ST6GAL1: variants seen among roughly 807,000 people sequenced by gnomAD.
ST6GAL1 encodes beta-galactoside alpha-2,6-sialyltransferase 1.
ST6GAL1 carries 20 observed loss-of-function variants against 38.0 expected under a neutral mutation model. The ratio of observed to expected loss-of-function variants is 0.53; its 90% CI spans 0.37 to 0.77. ST6GAL1 has a LOEUF of 0.77. Ranked by LOEUF, ST6GAL1 falls within the 30% of genes least tolerant of loss-of-function variation. The pLI, the probability that ST6GAL1 is intolerant of heterozygous loss-of-function variation, is 0.00. For missense variants in ST6GAL1, 432 were observed against 496.4 expected, an observed-to-expected ratio of 0.87 and a Z score of 1.23; for synonymous variants, 196 against 188.2, an observed-to-expected ratio of 1.04 and a Z score of -0.34.
At chr3:187,053,748 G>C (rs746214063) in intron 5 of ST6GAL1, among the ~76,000 whole-genome samples, 8 of 150,156 alleles carry the variant, frequency 5.3e-5, no homozygotes, top group Non-Finnish European at 8.8e-5. Flanking sequence ...CTCCAGCTTT[G>C]TTCTTTTGGA....
intron 2 of ST6GAL1, among the ~76,000 whole-genome samples, chr3:187,035,075 T>C (rs1717883126): frequency 6.6e-6 from 1 of 152,186 alleles, no homozygotes; most frequent in Non-Finnish European, 1.5e-5. Flanking sequence ...AAAACCAGTG[T>C]ATAAAAATTC....
chr3:187,016,392 G>A (rs2108561806), intron 2 of ST6GAL1, among the ~76,000 whole-genome samples: 1 of 152,288 alleles, frequency 6.6e-6, no homozygotes. Context: ...GTGCGGGAGT[G>A]CAGGAGAGTG....
intron 2 of ST6GAL1, among the ~76,000 whole-genome samples, chr3:187,020,926 G>C (rs1717273161): frequency 6.6e-6 from 1 of 152,028 alleles, no homozygotes; most frequent in African/African-American, 2.4e-5. Context: ...TCTCAAAGTG[G>C]GGGAGGGTGC....
intron 1 of ST6GAL1, among the ~76,000 whole-genome samples, chr3:186,940,325 A>G (rs937615799): frequency 1.3e-5 from 2 of 152,220 alleles, no homozygotes; most frequent in Non-Finnish European, 2.9e-5. Flanking sequence ...GTAAAAAATT[A>G]ACCCCTCAGC....
intron 2 of ST6GAL1, among the ~76,000 whole-genome samples, chr3:187,035,723 T>C (rs964608598): frequency 4.6e-5 from 7 of 152,248 alleles, no homozygotes; most frequent in Admixed American, 3.9e-4. Context: ...TGAAACTAGA[T>C]CCCTTCCTTA....
At chr3:187,047,631 C>A (rs974966930) in intron 4 of ST6GAL1, among the ~76,000 whole-genome samples, 1 of 152,100 alleles carries the variant, frequency 6.6e-6, no homozygotes, top group Non-Finnish European at 1.5e-5. Context: ...GCCTTTCCCC[C>A]TCGCTAGGCT....
intron 2 of ST6GAL1, among the ~76,000 whole-genome samples, chr3:187,027,610 C>G (rs1309444583): frequency 6.6e-6 from 1 of 152,074 alleles, no homozygotes; most frequent in East Asian, 1.9e-4. Context: ...CTTCTTGCCC[C>G]GTCTTCTTTT....
intron 7 of ST6GAL1, 101 bp downstream of exon 7, chr3:187,074,434 C>A: frequency 7.8e-7 from 1 of 1,287,662 alleles, no homozygotes; most frequent in Non-Finnish European, 1.0e-6. Context: ...CATTTGTTCA[C>A]TAAACAATTG....
intron 4 of ST6GAL1, among the ~76,000 whole-genome samples, chr3:187,043,570 T>A (rs1277689613): frequency 1.3e-5 from 2 of 152,206 alleles, no homozygotes; most frequent in Non-Finnish European, 2.9e-5. Context: ...TAGATATATT[T>A]ATGGGGATAT....
rs1298081658 is a variant in ST6GAL1, at chr3:187,077,952, A to G, written c.*2149A>G. The G allele has an allele frequency of 6.6e-6, 1 of 152,664 alleles. No individual in the cohort carries two copies. The highest frequency in any genetic ancestry group is 1.5e-5 in the Non-Finnish European group (1 of 68,132). 9.5% of individuals were successfully genotyped at this position (152,664 alleles called of 1,614,324 possible). ...AGCTCCAATCTGATTCTGCTTGGGAATGGGCGGAGCACGTGGGCTGCTTAA... is the reference window on the plus strand; with the variant it reads ...AGCTCCAATCTGATTCTGCTTGGGAGTGGGCGGAGCACGTGGGCTGCTTAA... On this transcript the variant is annotated 3_prime_UTR_variant, in exon 8 of 8. Coordinates refer to ENST00000169298, the MANE Select transcript of ST6GAL1 (RefSeq NM_173216.2).
intron 1 of ST6GAL1, among the ~76,000 whole-genome samples, chr3:186,955,483 T>C (rs907873791): frequency 2.0e-5 from 3 of 151,964 alleles, no homozygotes; most frequent in African/African-American, 7.2e-5. Flanking sequence ...TGTTTTTCCA[T>C]TTGTTTGTGT....
At chr3:187,055,394 T>C (rs1298083697) in intron 5 of ST6GAL1, among the ~76,000 whole-genome samples, 1 of 152,200 alleles carries the variant, frequency 6.6e-6, no homozygotes, top group East Asian at 1.9e-4. Context: ...TTAATTGTGA[T>C]GTTAGGGTGT....
At chr3:187,050,951 A>T (rs565884511) in intron 4 of ST6GAL1, among the ~76,000 whole-genome samples, 1 of 152,334 alleles carries the variant, frequency 6.6e-6, no homozygotes, top group South Asian at 2.1e-4. Context: ...TAAGTAGCAC[A>T]CTGGCTTTGT....
intron 5 of ST6GAL1, among the ~76,000 whole-genome samples, chr3:187,066,114 G>A (rs544725825): frequency 3.3e-5 from 5 of 152,246 alleles, no homozygotes; most frequent in South Asian, 2.1e-4. Flanking sequence ...CATCAACAAC[G>A]GGTCTAAAAC....
intron 1 of ST6GAL1, among the ~76,000 whole-genome samples, chr3:186,934,207 T>C (rs1713858549): frequency 1.3e-5 from 2 of 152,124 alleles, no homozygotes; most frequent in South Asian, 4.1e-4. Context: ...TAGGAGGGGT[T>C]TGGGGTCATC....
chr3:186,979,853 GCACTGAGC>G (rs1464567716), intron 2 of ST6GAL1, among the ~76,000 whole-genome samples: 1 of 152,162 alleles, frequency 6.6e-6, no homozygotes, highest in East Asian at 1.9e-4. Context: ...TAATTGTGTA[GCACTGAGC>G]AAAAATAATA....
intron 5 of ST6GAL1, among the ~76,000 whole-genome samples, chr3:187,070,607 T>C (rs1719332443): frequency 6.6e-6 from 1 of 151,850 alleles, no homozygotes. Context: ...GTATTTTCAG[T>C]AGAGACGGGG....
chr3:187,009,426 G>A (rs902150339), intron 2 of ST6GAL1, among the ~76,000 whole-genome samples: 6 of 152,068 alleles, frequency 3.9e-5, no homozygotes, highest in Non-Finnish European at 7.4e-5. Context: ...ATACATGGTG[G>A]TTCATTATTG....
intron 1 of ST6GAL1, among the ~76,000 whole-genome samples, chr3:186,960,110 A>C (rs1714884036): frequency 6.6e-6 from 1 of 152,196 alleles, no homozygotes; most frequent in Non-Finnish European, 1.5e-5. Flanking sequence ...GAGCTCTCCA[A>C]ATCCTGGTTC....
Sources: allele counts gnomAD v4.1 joint callset (sites outside exome capture counted in the v4.1 genomes callset), GRCh38; gene constraint gnomAD v4.1.1; transcripts MANE v1.5; gene names NCBI Gene and HGNC (gene_info 2026-07-23, HGNC 2026-07-21).